Variants in CSRP2 observed in about 807,000 individuals in gnomAD.
The protein encoded by CSRP2 is cysteine and glycine-rich protein 2.
In CSRP2, 18 loss-of-function variants were observed where a neutral mutation model predicts 24.6. The observed-to-expected ratio is 0.73, with a 90% CI of 0.51 to 1.09. The LOEUF (loss-of-function observed/expected upper bound fraction) is 1.09, where lower values mean the gene tolerates loss of function less well. CSRP2 is among the 50% of genes least tolerant of loss of function. CSRP2 has a pLI of 0.00. For missense variants in CSRP2, 215 were observed against 239.4 expected, an observed-to-expected ratio of 0.90 and a Z score of 0.67; for synonymous variants, 87 against 84.3, an observed-to-expected ratio of 1.03 and a Z score of -0.18.
chr12:76,859,462 T>C, intron 5 of CSRP2, 85 bp downstream of exon 5: 1 of 902,126 alleles, frequency 1.1e-6, no homozygotes, highest in Non-Finnish European at 1.7e-6. Context: ...TTTTCTTTTT[T>C]TTTTTTTAAT....
chr12:76,863,858 G>C (rs1013560483), intron 2 of CSRP2: 4 of 152,174 alleles, frequency 2.6e-5, no homozygotes, highest in Admixed American at 1.3e-4. Flanking sequence ...CAGTGCCTTC[G>C]GGGACTTGCC....
At chr12:76,861,661 G>A (rs904061576) in intron 3 of CSRP2, 1 of 152,162 alleles carries the variant, frequency 6.6e-6, no homozygotes, top group African/African-American at 2.4e-5. Flanking sequence ...GAAGCTCAAA[G>A]AACACAGAGG....
intron 3 of CSRP2, chr12:76,862,474 G>A (rs1436963954): frequency 6.0e-6 from 1 of 167,096 alleles, no homozygotes; most frequent in African/African-American, 2.4e-5. Flanking sequence ...CTGGGAGGCA[G>A]AGGTTGCAGT....
chr12:76,873,940 A>G (rs1953827104), intron 1 of CSRP2, among the ~76,000 whole-genome samples: 1 of 152,316 alleles, frequency 6.6e-6, no homozygotes, highest in Middle Eastern at 3.4e-3. Flanking sequence ...AAGCTCTCAT[A>G]TAAATGTATT....
intron 2 of CSRP2, chr12:76,864,500 A>T (rs995977588): frequency 1.3e-5 from 2 of 152,224 alleles, no homozygotes; most frequent in South Asian, 4.1e-4. Context: ...CAAAAAAATA[A>T]TAAATGCTTG....
At chr12:76,864,536 G>A (rs1004752563) in intron 2 of CSRP2, 1 of 151,856 alleles carries the variant, frequency 6.6e-6, no homozygotes, top group African/African-American at 2.4e-5. Flanking sequence ...CATTTAAGAT[G>A]ATGTGATTAA....
intron 1 of CSRP2, among the ~76,000 whole-genome samples, chr12:76,871,129 T>C (rs1006997684): frequency 1.3e-5 from 2 of 152,046 alleles, no homozygotes; most frequent in African/African-American, 2.4e-5. Context: ...TCCACCGTTA[T>C]AATAGCTGCG....
chr12:76,862,658 C>T (rs931464924), intron 3 of CSRP2: 20 of 1,042,138 alleles, frequency 1.9e-5, no homozygotes, highest in Non-Finnish European at 2.5e-5. Context: ...GGCAACAAAG[C>T]CTTTAAAGTT....
intron 1 of CSRP2, among the ~76,000 whole-genome samples, chr12:76,870,729 G>C (rs1183524012): frequency 6.6e-6 from 1 of 151,692 alleles, no homozygotes; most frequent in Non-Finnish European, 1.5e-5. Flanking sequence ...TAGGGAGCCA[G>C]GTGTGGTAGC....
intron 1 of CSRP2, among the ~76,000 whole-genome samples, chr12:76,871,337 C>T (rs1425810329): frequency 6.6e-6 from 1 of 152,206 alleles, no homozygotes; most frequent in African/African-American, 2.4e-5. Flanking sequence ...CCAACCAGCA[C>T]CTAGAACATA....
intron 1 of CSRP2, among the ~76,000 whole-genome samples, chr12:76,870,466 A>G (rs1459549419): frequency 2.0e-5 from 3 of 152,232 alleles, no homozygotes; most frequent in East Asian, 3.8e-4. Context: ...GGAAATACCT[A>G]TCAAAGTTCC....
intron 1 of CSRP2, among the ~76,000 whole-genome samples, chr12:76,871,407 C>T (rs1953795129): frequency 1.3e-5 from 2 of 152,202 alleles, no homozygotes; most frequent in South Asian, 2.1e-4. Context: ...TATAAACCTT[C>T]TTTTTTGGGG....
intron 1 of CSRP2, among the ~76,000 whole-genome samples, chr12:76,866,572 A>G (rs1294694896): frequency 1.3e-5 from 2 of 152,166 alleles, no homozygotes; most frequent in African/African-American, 4.8e-5. Context: ...ACAGGAGTTA[A>G]GAAAGAAGCG....
Position 76,872,805 on chromosome 12 carries a change from CT to C in CSRP2, c.-2+6132del, listed in dbSNP as rs1218366091. On this transcript the variant is annotated intron_variant, in intron 1 of 5. Coordinates refer to ENST00000311083, the MANE Select transcript of CSRP2 (RefSeq NM_001321.3). ...CTCTGTACCGGGGAGCTTCTTCCTTCTGTCTTCTCCCTTCCTTCTTGCTCAT... is the reference window on the plus strand; with the variant it reads ...CTCTGTACCGGGGAGCTTCTTCCTTCGTCTTCTCCCTTCCTTCTTGCTCAT... Among the ~76,000 whole-genome samples, 7 of 152,182 alleles carry C rather than the reference CT, an allele frequency of 4.6e-5. No homozygotes were observed. In the East Asian group the frequency reaches 1.2e-3, roughly 25 times the overall value.
chr12:76,873,225 T>G (rs1353785515), intron 1 of CSRP2, among the ~76,000 whole-genome samples: 2 of 152,174 alleles, frequency 1.3e-5, no homozygotes, highest in African/African-American at 4.8e-5. Flanking sequence ...AAAGGAGAAT[T>G]TATTATAAAA....
intron 1 of CSRP2, among the ~76,000 whole-genome samples, chr12:76,871,028 A>T (rs1953791358): frequency 6.8e-6 from 1 of 148,012 alleles, no homozygotes; most frequent in Admixed American, 6.8e-5. Context: ...AATATTCCTT[A>T]TATTGTTCTC....
At chr12:76,867,306 T>G (rs1030898010) in intron 1 of CSRP2, among the ~76,000 whole-genome samples, 6 of 110,530 alleles carry the variant, frequency 5.4e-5, no homozygotes, top group Non-Finnish European at 8.6e-5. Flanking sequence ...CTGACCAACA[T>G]AGCGAAACCC....
intron 1 of CSRP2, among the ~76,000 whole-genome samples, chr12:76,874,800 G>A (rs1953837651): frequency 6.6e-6 from 1 of 152,200 alleles, no homozygotes; most frequent in Non-Finnish European, 1.5e-5. Context: ...TGTGAATTGT[G>A]TAGGTGAGGG....
intron 1 of CSRP2, among the ~76,000 whole-genome samples, chr12:76,874,277 G>T (rs960865027): frequency 4.6e-5 from 7 of 152,158 alleles, no homozygotes; most frequent in African/African-American, 1.7e-4. Context: ...TGGAAATACC[G>T]CAGTACACAT....
Sources: allele counts gnomAD v4.1 joint callset (sites outside exome capture counted in the v4.1 genomes callset), GRCh38; gene constraint gnomAD v4.1.1; transcripts MANE v1.5; gene names NCBI Gene and HGNC (gene_info 2026-07-23, HGNC 2026-07-21).